The following TSNARE1 variants were observed in gnomAD, a reference collection of about 807,000 sequenced individuals.
TSNARE1 encodes the protein t-SNARE domain-containing protein 1.
A neutral mutation model predicts 62.0 loss-of-function variants in TSNARE1; 49 were observed. The observed-to-expected ratio is 0.79, with a 90% CI of 0.63 to 1.00. The LOEUF is 1.00. TSNARE1 is among the 50% of genes least tolerant of loss of function. The pLI is 0.00. For synonymous variants in TSNARE1, 328 were observed against 294.4 expected, an observed-to-expected ratio of 1.11 and a Z score of -1.17; for missense variants, 755 against 700.1, an observed-to-expected ratio of 1.08 and a Z score of -0.88.
At chr8:142,371,567 T>A (rs1396416572) in intron 1 of TSNARE1, among the ~76,000 whole-genome samples, 2 of 152,172 alleles carry the variant, frequency 1.3e-5, no homozygotes, top group African/African-American at 4.8e-5. Flanking sequence ...TCATTAATCA[T>A]GACAGCAACC....
chr8:142,374,482 T>C (rs965773271), intron 1 of TSNARE1, among the ~76,000 whole-genome samples: 18 of 149,504 alleles, frequency 1.2e-4, no homozygotes, highest in Admixed American at 1.2e-3. Context: ...ATTGACACCA[T>C]CCTGGCTAAC....
At chr8:142,362,988 G>GTC (rs1462375768) in intron 1 of TSNARE1, among the ~76,000 whole-genome samples, 1 of 152,134 alleles carries the variant, frequency 6.6e-6, no homozygotes, top group East Asian at 1.9e-4. Context: ...GGACGCTCGG[G>GTC]TCCTGGCCCC....
chr8:142,399,735 G>C (rs1194248051), intron 1 of TSNARE1, among the ~76,000 whole-genome samples: 3 of 152,186 alleles, frequency 2.0e-5, no homozygotes, highest in Non-Finnish European at 4.4e-5. Flanking sequence ...AGGAATCTGA[G>C]AGGAGGGCTG....
At chr8:142,296,098 ACTCATGGGGGAG>A (rs1324432160) in intron 10 of TSNARE1, among the ~76,000 whole-genome samples, 2 of 1,838 alleles carry the variant, frequency 1.1e-3, no homozygotes, top group Non-Finnish European at 1.9e-3. Context: ...GGGGGTGGTC[ACTCATGGGGGAG>A]GGGGTGGTCA....
intron 1 of TSNARE1, among the ~76,000 whole-genome samples, chr8:142,365,600 A>ACGCG (rs202024772): frequency 5.6e-5 from 7 of 125,384 alleles, no homozygotes; most frequent in African/African-American, 2.1e-4. Context: ...ACACATGCAC[A>ACGCG]CGCACACACA....
chr8:142,277,826 T>C, intron 11 of TSNARE1: 1 of 985,154 alleles, frequency 1.0e-6, no homozygotes, highest in Non-Finnish European at 1.2e-6. Context: ...AAACCTGAGT[T>C]CCTGCAGCCT....
At chr8:142,357,388 C>T (rs1834828663) in intron 1 of TSNARE1, among the ~76,000 whole-genome samples, 1 of 152,326 alleles carries the variant, frequency 6.6e-6, no homozygotes. Context: ...CACTACTTGC[C>T]ATCACCTCAA....
At position 142,226,982 on chromosome 8, in the gene TSNARE1, AGGCCCCCCAC is replaced by A. The variant is rs1198674973; in HGVS notation, c.*11+2481_*11+2490del. Among the ~76,000 whole-genome samples, 392 of 136,454 alleles carry A rather than the reference AGGCCCCCCAC, an allele frequency of 2.9e-3. 1 individual carries two copies. The highest frequency in any genetic ancestry group is 7.6e-3 in the Middle Eastern group (2 of 262). The allele number at this position is 136,454 out of a possible 152,430, so 89.5% of individuals were successfully genotyped here. A position where few individuals can be genotyped will look rare whatever the true frequency, so the allele number is the denominator to read the frequency against. ...CTGCACCCACACGGCAGTGACAGCA[AGGCCCCCCAC>A]TGCACCCACACAGCAGTGACAGCCA... On this transcript the variant is annotated intron_variant, in intron 13 of 13. Transcript: ENST00000524325.
intron 4 of TSNARE1, among the ~76,000 whole-genome samples, chr8:142,333,790 G>T (rs138584732): frequency 6.6e-6 from 1 of 152,268 alleles, no homozygotes; most frequent in South Asian, 2.1e-4. Flanking sequence ...CAGGCCTCCC[G>T]GTCCAGCAGC....
At chr8:142,243,139 C>T (rs6583609) in intron 12 of TSNARE1, among the ~76,000 whole-genome samples, 1 of 151,746 alleles carries the variant, frequency 6.6e-6, no homozygotes, top group Non-Finnish European at 1.5e-5. Flanking sequence ...GGAACCCTTG[C>T]GCACTGTTGG....
rs1218743045 is a variant in TSNARE1, at chr8:142,350,142, G to A, written c.89-4250C>T. Among the ~76,000 whole-genome samples, 17 of 124,094 alleles carry A rather than the reference G, an allele frequency of 1.4e-4. 1 individual carries two copies. In the South Asian group the frequency reaches 3.2e-3, roughly 24 times the overall value. 81.4% of individuals were successfully genotyped at this position (124,094 alleles called of 152,430 possible). ...AGGCTGGGACCAGGGCAGGCAGGGC[G>A]GGCAGGGCTGGGATCAGGGCAGGCA... On this transcript the variant is annotated intron_variant, in intron 2 of 13. Coordinates refer to ENST00000524325, the MANE Select transcript of TSNARE1 (RefSeq NM_145003.5).
chr8:142,361,536 C>T (rs146825545), intron 1 of TSNARE1, among the ~76,000 whole-genome samples: 13 of 152,330 alleles, frequency 8.5e-5, no homozygotes, highest in Non-Finnish European at 4.4e-5. Context: ...AGGGCACGGG[C>T]GACCTGTGGC....
At chr8:142,342,093 G>C (rs1832669636) in intron 4 of TSNARE1, among the ~76,000 whole-genome samples, 1 of 152,220 alleles carries the variant, frequency 6.6e-6, no homozygotes, top group Non-Finnish European at 1.5e-5. Flanking sequence ...GGGAGGCCCT[G>C]GGGCCAGCTA....
intron 9 of TSNARE1, among the ~76,000 whole-genome samples, chr8:142,304,542 C>T (rs898233171): frequency 1.8e-4 from 28 of 152,342 alleles, no homozygotes; most frequent in African/African-American, 6.5e-4. Context: ...ACCAGGAACC[C>T]GAGCACGAGG....
At chr8:142,345,956 C>T (rs1833311478) in intron 2 of TSNARE1, 64 bp from the exon 3 acceptor site, 1 of 1,554,594 alleles carries the variant, frequency 6.4e-7, no homozygotes, top group South Asian at 1.2e-5. Flanking sequence ...AGTGCCAGGC[C>T]CCCATGCACG....
chr8:142,300,787 G>T (rs1586662243), intron 9 of TSNARE1, 143 bp from the exon 10 acceptor site: 22 of 774,510 alleles, frequency 2.8e-5, no homozygotes, highest in Admixed American at 3.7e-5. Flanking sequence ...TGAGGCGGGG[G>T]CCTTCTGCGG....
chr8:142,235,167 G>A (rs1586809617), intron 12 of TSNARE1, among the ~76,000 whole-genome samples: 1 of 152,052 alleles, frequency 6.6e-6, no homozygotes, highest in South Asian at 2.1e-4. Flanking sequence ...GGTGCCCGTG[G>A]TCCAGAGAAG....
Position 142,283,327 on chromosome 8 carries a change from G to A in TSNARE1, c.1363+1086C>T, listed in dbSNP as rs368051915. Among the ~76,000 whole-genome samples the A allele has an allele frequency of 2.5e-3, 372 of 149,688 alleles. 1 individual carries two copies. The South Asian group carries it at 0.026, about 10-fold the overall frequency. On this transcript the variant is annotated intron_variant, in intron 11 of 13. Transcript: ENST00000524325. The stretch of plus-strand genomic sequence containing the variant: ...AGGCGGGGCCAGTGTCTGCCAATGA[G>A]CAGAGGCGGGGCCAGTGTCTGTCAA...
chr8:142,355,833 T>C (rs1215496815), intron 1 of TSNARE1, among the ~76,000 whole-genome samples: 1 of 152,118 alleles, frequency 6.6e-6, no homozygotes, highest in African/African-American at 2.4e-5. Flanking sequence ...GGGAAGGCGG[T>C]GTGACCCCAC....
Sources: gnomAD v4.1 joint callset for allele counts (sites outside exome capture counted in the v4.1 genomes callset) on GRCh38, gnomAD v4.1.1 for gene constraint, MANE v1.5 for transcripts, NCBI Gene and HGNC (gene_info 2026-07-23, HGNC 2026-07-21) for gene names.